The following SGPP2 variants were observed in gnomAD, a reference collection of about 807,000 sequenced individuals.
The protein encoded by SGPP2 is sphingosine-1-phosphate phosphatase 2.
A neutral mutation model predicts 33.9 loss-of-function variants in SGPP2; 30 were observed. That is an observed-to-expected ratio of 0.89 (90% confidence interval 0.66 to 1.20). The LOEUF (loss-of-function observed/expected upper bound fraction) is 1.20. Among genes scored for constraint, SGPP2 ranks in the 50% most tolerant of loss-of-function variants. SGPP2 has a pLI of 0.00. For synonymous variants in SGPP2, 233 were observed against 225.0 expected, an observed-to-expected ratio of 1.04 and a Z score of -0.32; for missense variants, 458 against 532.1, an observed-to-expected ratio of 0.86 and a Z score of 1.37.
At chr2:222,557,816 CAGA>C (rs1225702369) in intron 4 of SGPP2, among the ~76,000 whole-genome samples, 3 of 152,214 alleles carry the variant, frequency 2.0e-5, no homozygotes, top group Non-Finnish European at 2.9e-5. Flanking sequence ...AAGGCTGACG[CAGA>C]AGAACTTTGG....
At chr2:222,490,604 A>ATTTT (rs60235375) in intron 2 of SGPP2, among the ~76,000 whole-genome samples, 3 of 115,436 alleles carry the variant, frequency 2.6e-5, no homozygotes, top group African/African-American at 6.1e-5. Flanking sequence ...CACCTGGCTA[A>ATTTT]TTTTTTTTTT....
intron 2 of SGPP2, among the ~76,000 whole-genome samples, chr2:222,507,259 GT>G (rs1342066859): frequency 6.6e-6 from 1 of 152,116 alleles, no homozygotes. Flanking sequence ...AGGTTTTACT[GT>G]TTTGGATGCA....
Position 222,495,596 on chromosome 2 carries a change from A to T in SGPP2, c.378+20870A>T, listed in dbSNP as rs142578517. 2.5e-3 allele frequency among the ~76,000 whole-genome samples: 384 copies of T among 152,308 alleles called. 1 individual carries two copies. Among genetic ancestry groups the T allele is most frequent in the South Asian group, 7.5e-3 (36 of 4,818 alleles). On this transcript the variant is annotated intron_variant, in intron 2 of 4. Transcript: ENST00000321276. ...TCTATGCTGCTAGAAAACAGAAACC[A>T]TGAAGATAATCCTCCCACTCTTTTT...
chr2:222,512,771 A>G (rs1698549406), intron 2 of SGPP2, among the ~76,000 whole-genome samples: 1 of 152,154 alleles, frequency 6.6e-6, no homozygotes, highest in Admixed American at 6.5e-5. Flanking sequence ...TTACTGATAT[A>G]TATTTAGGCT....
intron 2 of SGPP2, among the ~76,000 whole-genome samples, chr2:222,475,796 G>C (rs1293973999): frequency 6.6e-6 from 1 of 152,218 alleles, no homozygotes; most frequent in Non-Finnish European, 1.5e-5. Context: ...AGATATGTAG[G>C]TTTGGTATCA....
At chr2:222,436,484 G>T (rs1697242736) in intron 1 of SGPP2, among the ~76,000 whole-genome samples, 1 of 152,132 alleles carries the variant, frequency 6.6e-6, no homozygotes, top group Non-Finnish European at 1.5e-5. Context: ...CACCTAGTTG[G>T]CATTGTAATT....
intron 4 of SGPP2, among the ~76,000 whole-genome samples, chr2:222,543,600 T>G (rs1427887899): frequency 6.6e-6 from 1 of 152,210 alleles, no homozygotes; most frequent in Non-Finnish European, 1.5e-5. Flanking sequence ...TCTCTCAGAA[T>G]AGCTTATTGT....
chr2:222,460,467 A>T lies in SGPP2; in HGVS notation c.220-14101A>T, dbSNP rs1443646272. On this transcript the variant is annotated intron_variant, in intron 1 of 4. Coordinates refer to ENST00000321276, the MANE Select transcript of SGPP2 (RefSeq NM_152386.4). The surrounding 1 kb of genome is among the most constrained non-coding windows in gnomAD (Gnocchi z 4.3). ...GGCAATATGTCTGTGACTTCTCCTT[A>T]AGATACATTTGAATCTGAAAAACAA... Among the ~76,000 whole-genome samples the T allele has an allele frequency of 1.3e-5, 2 of 152,202 alleles. No individual in the cohort carries two copies. Among genetic ancestry groups the T allele is most frequent in the Non-Finnish European group, 2.9e-5 (2 of 68,026 alleles).
chr2:222,520,729 A>AC lies in SGPP2; in HGVS notation c.379-1038_379-1037insC, dbSNP rs1427230533. Among the ~76,000 whole-genome samples, 12 of 87,550 alleles carry AC rather than the reference A, an allele frequency of 1.4e-4. No homozygotes were observed. In the East Asian group the frequency reaches 1.4e-3, roughly 11 times the overall value. The allele number at this position is 87,550 out of a possible 152,430, so 57.4% of individuals were successfully genotyped here. On this transcript the variant is annotated intron_variant, in intron 2 of 4. Coordinates refer to ENST00000321276, the MANE Select transcript of SGPP2 (RefSeq NM_152386.4). ...GTGACAGAGTGAGACTCTGAAAAAA[A>AC]AAAAAAAAAAAAAAAACCCTCCATA...
At chr2:222,489,170 T>C (rs1344109697) in intron 2 of SGPP2, among the ~76,000 whole-genome samples, 1 of 152,242 alleles carries the variant, frequency 6.6e-6, no homozygotes, top group Non-Finnish European at 1.5e-5. Flanking sequence ...CTACAAATTC[T>C]ACAAGTAATT....
intron 1 of SGPP2, among the ~76,000 whole-genome samples, chr2:222,433,002 T>G (rs1697179276): frequency 7.5e-6 from 1 of 132,654 alleles, no homozygotes; most frequent in Non-Finnish European, 1.5e-5. Context: ...GCCTGGGCAA[T>G]AAGAGCGAAA....
At chr2:222,520,046 G>A (rs977968654) in intron 2 of SGPP2, among the ~76,000 whole-genome samples, 3 of 152,154 alleles carry the variant, frequency 2.0e-5, no homozygotes, top group African/African-American at 7.2e-5. Flanking sequence ...TGGGATTACT[G>A]GGTGGAACAG....
chr2:222,476,200 T>C lies in SGPP2; in HGVS notation c.378+1474T>C, dbSNP rs375893835. Reference sequence around the variant, plus strand: ...AGTGACTTTCCTATGGTGAGCATTATGTTTTCTCATTTGTAGAACAAGTAG... The same window carrying C: ...AGTGACTTTCCTATGGTGAGCATTACGTTTTCTCATTTGTAGAACAAGTAG... On this transcript the variant is annotated intron_variant, in intron 2 of 4. Coordinates refer to ENST00000321276, the MANE Select transcript of SGPP2 (RefSeq NM_152386.4). This position sits in a 1 kb window ranked among gnomAD's most constrained non-coding sequence, Gnocchi z 4.3. 6.6e-6 allele frequency among the ~76,000 whole-genome samples: 1 copy of C among 152,188 alleles called. No homozygotes were observed. Among genetic ancestry groups the C allele is most frequent in the South Asian group, 2.1e-4 (1 of 4,834 alleles).
intron 1 of SGPP2, among the ~76,000 whole-genome samples, chr2:222,435,041 T>TCAC (rs1697218189): frequency 6.8e-6 from 1 of 146,552 alleles, no homozygotes; most frequent in African/African-American, 2.5e-5. Context: ...TATATATGTG[T>TCAC]ATATATATAC....
chr2:222,534,367 C>T (rs763335666), intron 4 of SGPP2, among the ~76,000 whole-genome samples: 4 of 152,198 alleles, frequency 2.6e-5, no homozygotes, highest in Non-Finnish European at 5.9e-5. Flanking sequence ...CCTGACCTAG[C>T]TGAAATGCTG....
At chr2:222,475,065 A>C (rs1269305070) in intron 2 of SGPP2, among the ~76,000 whole-genome samples, 4 of 152,046 alleles carry the variant, frequency 2.6e-5, no homozygotes, top group East Asian at 1.9e-4. Flanking sequence ...CAACAGGGAG[A>C]GGACCAGTTT....
chr2:222,508,344 A>G (rs1217836957), intron 2 of SGPP2, among the ~76,000 whole-genome samples: 1 of 152,210 alleles, frequency 6.6e-6, no homozygotes, highest in Non-Finnish European at 1.5e-5. Flanking sequence ...AACAATGATA[A>G]AATTTGGAAT....
chr2:222,444,994 C>A (rs1272716654), intron 1 of SGPP2, among the ~76,000 whole-genome samples: 1 of 152,194 alleles, frequency 6.6e-6, no homozygotes. Context: ...CCTGACCAGA[C>A]CCCGACCCAG....
At chr2:222,452,847 C>T in intron 1 of SGPP2, 1 of 1,607,898 alleles carries the variant, frequency 6.2e-7, no homozygotes, top group Non-Finnish European at 8.5e-7. Context: ...GTTTTTCTGC[C>T]ACCTCTTAGA....
Sources: allele counts gnomAD v4.1 joint callset (sites outside exome capture counted in the v4.1 genomes callset), GRCh38; gene constraint gnomAD v4.1.1; non-coding constraint Gnocchi (gnomAD v3.1); transcripts MANE v1.5; gene names NCBI Gene and HGNC (gene_info 2026-07-23, HGNC 2026-07-21).